The following VPS13B variants were observed in gnomAD, a reference collection of about 807,000 sequenced individuals.
VPS13B encodes the protein vacuolar protein sorting 13 homolog B, also known as intermembrane lipid transfer protein VPS13B.
In VPS13B, 285 loss-of-function variants were observed where a neutral mutation model predicts 426.4. The observed-to-expected ratio is 0.67, with a 90% CI of 0.61 to 0.74. VPS13B has a LOEUF of 0.74. Among genes scored for constraint, VPS13B ranks in the 30% least tolerant of loss-of-function variants. The pLI is 0.00. For missense variants in VPS13B, 4,537 were observed against 4,782.6 expected (o/e 0.95, Z 1.51); for synonymous variants, 1,676 against 1,676.4 (o/e 1.00, Z 0.01).
chr8:99,233,103 C>T, intron 17 of VPS13B: 1 of 1,377,724 alleles, frequency 7.3e-7, no homozygotes, highest in Admixed American at 1.7e-5. Context: ...CCTGCTGCTT[C>T]ACCTCTTGTA....
At chr8:99,406,853 A>G (rs1277362400) in intron 21 of VPS13B, among the ~76,000 whole-genome samples, 1 of 152,216 alleles carries the variant, frequency 6.6e-6, no homozygotes, top group Non-Finnish European at 1.5e-5. Flanking sequence ...TAGGAATTAG[A>G]AAAGTTTTCA....
At chr8:99,840,122 G>A (rs1354073803) in intron 54 of VPS13B, among the ~76,000 whole-genome samples, 1 of 152,144 alleles carries the variant, frequency 6.6e-6, no homozygotes, top group East Asian at 1.9e-4. Context: ...TAAAAATCTG[G>A]CAGCCGGAAT....
intron 19 of VPS13B, among the ~76,000 whole-genome samples, chr8:99,344,686 CT>C (rs547119206): frequency 1.3e-5 from 2 of 151,672 alleles, no homozygotes; most frequent in African/African-American, 4.8e-5. Flanking sequence ...TGAATTTGAA[CT>C]TTTTTTTCAG....
At chr8:99,407,823 T>G (rs1229503000) in intron 21 of VPS13B, among the ~76,000 whole-genome samples, 1 of 152,178 alleles carries the variant, frequency 6.6e-6, no homozygotes, top group South Asian at 2.1e-4. Flanking sequence ...AATGTAAGAA[T>G]GCAATGTAAT....
chr8:99,339,118 T>A (rs1302833760), intron 19 of VPS13B, among the ~76,000 whole-genome samples: 1 of 152,234 alleles, frequency 6.6e-6, no homozygotes, highest in East Asian at 1.9e-4. Flanking sequence ...ATTTTAAAAA[T>A]ATTTAAGTTT....
intron 19 of VPS13B, among the ~76,000 whole-genome samples, chr8:99,310,054 G>A (rs1820868392): frequency 6.6e-6 from 1 of 152,186 alleles, no homozygotes; most frequent in Non-Finnish European, 1.5e-5. Context: ...CTTTGCTGAA[G>A]TTGCTTATCA....
At chr8:99,115,026 T>C (rs1416166457) in intron 6 of VPS13B, among the ~76,000 whole-genome samples, 1 of 152,182 alleles carries the variant, frequency 6.6e-6, no homozygotes, top group African/African-American at 2.4e-5. Context: ...TGGTTTCATT[T>C]TATCAGTTGA....
At chr8:99,145,060 C>G (rs1468544943) in intron 13 of VPS13B, among the ~76,000 whole-genome samples, 1 of 151,994 alleles carries the variant, frequency 6.6e-6, no homozygotes, top group African/African-American at 2.4e-5. Flanking sequence ...AACAGTTTGG[C>G]AATATACAGG....
chr8:99,172,639 G>C (rs1482688632), intron 16 of VPS13B, among the ~76,000 whole-genome samples: 1 of 152,084 alleles, frequency 6.6e-6, no homozygotes, highest in Non-Finnish European at 1.5e-5. Context: ...AATCAGTTTT[G>C]AAGGCCCAGT....
At chr8:99,351,712 A>G (rs555562743) in intron 19 of VPS13B, among the ~76,000 whole-genome samples, 8 of 152,236 alleles carry the variant, frequency 5.3e-5, no homozygotes, top group African/African-American at 1.9e-4. Context: ...AATAACAAAT[A>G]TACATCTTAC....
chr8:99,576,841 C>T (rs2133810687), intron 32 of VPS13B, among the ~76,000 whole-genome samples: 1 of 152,272 alleles, frequency 6.6e-6, no homozygotes, highest in South Asian at 2.1e-4. Context: ...CCAATGCTGC[C>T]AAGATTTTAG....
intron 29 of VPS13B, among the ~76,000 whole-genome samples, chr8:99,519,964 T>C (rs1460750333): frequency 6.6e-6 from 1 of 152,080 alleles, no homozygotes; most frequent in Non-Finnish European, 1.5e-5. Flanking sequence ...AAAATGTAAA[T>C]GTAATGAATG....
At chr8:99,617,463 G>A (rs928854786) in intron 33 of VPS13B, among the ~76,000 whole-genome samples, 2 of 152,028 alleles carry the variant, frequency 1.3e-5, no homozygotes, top group East Asian at 1.9e-4. Context: ...TAGTAGCTGG[G>A]ATATGGGCAC....
At chr8:99,432,392 T>C (rs778707246) in intron 22 of VPS13B, among the ~76,000 whole-genome samples, 2 of 152,098 alleles carry the variant, frequency 1.3e-5, no homozygotes, top group Non-Finnish European at 2.9e-5. Context: ...CACCTTACTA[T>C]GAGAACAAGG....
At chr8:99,108,131 GAT>G in intron 5 of VPS13B, among the ~76,000 whole-genome samples, 1 of 152,256 alleles carries the variant, frequency 6.6e-6, no homozygotes, top group East Asian at 1.9e-4. Context: ...ATTTGCCTAG[GAT>G]AATGCCCTCC....
chr8:99,668,332 G>A (rs930549896), intron 35 of VPS13B, among the ~76,000 whole-genome samples: 1 of 149,980 alleles, frequency 6.7e-6, no homozygotes, highest in African/African-American at 2.5e-5. Context: ...CTCCAGTTTG[G>A]GCAACAGAGT....
chr8:99,708,862 T>C (rs1331985541), intron 36 of VPS13B, among the ~76,000 whole-genome samples: 1 of 151,712 alleles, frequency 6.6e-6, no homozygotes, highest in Non-Finnish European at 1.5e-5. Context: ...TATATATATA[T>C]AGGCTCTCTC....
intron 54 of VPS13B, 33 bp from the exon 55 acceptor site, chr8:99,848,742 CT>C (rs767673868): frequency 1.2e-6 from 2 of 1,601,402 alleles, no homozygotes; most frequent in South Asian, 2.2e-5. Flanking sequence ...TTTCTTATTT[CT>C]TTTTAATCAG....
intron 25 of VPS13B, among the ~76,000 whole-genome samples, chr8:99,483,273 C>T (rs1188609913): frequency 6.6e-6 from 1 of 152,122 alleles, no homozygotes; most frequent in African/African-American, 2.4e-5. Flanking sequence ...ATTATTCTTT[C>T]TCTTTTTTCT....
Sources: gnomAD v4.1 joint callset for allele counts (sites outside exome capture counted in the v4.1 genomes callset) on GRCh38, gnomAD v4.1.1 for gene constraint, MANE v1.5 for transcripts, NCBI Gene and HGNC (gene_info 2026-07-23, HGNC 2026-07-21) for gene names.